TCHP: variants seen among roughly 807,000 people sequenced by gnomAD.
TCHP encodes the protein trichoplein keratin filament binding.
Under a neutral mutation model 88.7 loss-of-function variants are expected in TCHP, and 81 were observed. That is an observed-to-expected ratio of 0.91 (90% CI 0.76 to 1.10). The LOEUF (loss-of-function observed/expected upper bound fraction) is 1.10. TCHP is among the 50% of genes least tolerant of loss of function. The pLI is 0.00. For synonymous variants in TCHP, 232 were observed against 232.5 expected (o/e 1.00, Z 0.02); for missense variants, 641 against 632.1 (o/e 1.01, Z -0.15).
intron 9 of TCHP, among the ~76,000 whole-genome samples, chr12:109,911,957 G>A (rs183777145): frequency 1.2e-4 from 18 of 151,918 alleles, no homozygotes; most frequent in East Asian, 3.9e-4. Context: ...CACCACACCC[G>A]GCTACTTTTT....
Position 109,916,905 on chromosome 12 carries a change from A to G in TCHP, c.*282A>G. ...CTTGTAATATATTAACAGTCACATC[A>G]ACTGAAGGTCAATACTAAGAGCCAC... On this transcript the variant is annotated 3_prime_UTR_variant, in exon 13 of 13. Transcript: ENST00000405876. The G allele has an allele frequency of 2.8e-6, 1 of 359,594 alleles. No homozygotes were observed. Among genetic ancestry groups the G allele is most frequent in the Non-Finnish European group, 5.0e-6 (1 of 201,046 alleles). The allele number at this position is 359,594 out of a possible 1,614,324, so 22.3% of individuals were successfully genotyped here.
At chr12:109,914,340 T>C in intron 10 of TCHP, 102 bp from the exon 11 acceptor site, 1 of 1,088,760 alleles carries the variant, frequency 9.2e-7, no homozygotes, top group Non-Finnish European at 1.3e-6. Flanking sequence ...GGCCCAAGGA[T>C]GAGGCTGGGC....
intron 8 of TCHP, among the ~76,000 whole-genome samples, chr12:109,910,412 G>A (rs917427991): frequency 6.6e-6 from 1 of 152,142 alleles, no homozygotes; most frequent in African/African-American, 2.4e-5. Flanking sequence ...AACCTGCCAG[G>A]CTCAAGCCAT....
At chr12:109,895,497 G>A (rs552419524), upstream of TCHP, among the ~76,000 whole-genome samples, 4 of 152,034 alleles carry the variant, frequency 2.6e-5, no homozygotes, top group Non-Finnish European at 5.9e-5. Context: ...GGGATTACAG[G>A]TGTGAATGAC....
intron 10 of TCHP, among the ~76,000 whole-genome samples, chr12:109,913,869 C>T (rs1390604624): frequency 6.6e-6 from 1 of 152,166 alleles, no homozygotes; most frequent in Non-Finnish European, 1.5e-5. Context: ...ATTTAAATTT[C>T]CCTCCTGATG....
At position 109,903,134 on chromosome 12, in the gene TCHP, GAACAGC is replaced by G. The variant is rs775715029; in HGVS notation, c.109_114del (p.Asn37_Ser38del). 8 of 1,614,052 alleles carry G rather than the reference GAACAGC, an allele frequency of 5.0e-6. No homozygotes were observed. Among genetic ancestry groups the G allele is most frequent in the Non-Finnish European group, 5.9e-6 (7 of 1,179,970 alleles). On this transcript the variant is annotated inframe_deletion, in exon 2 of 13. Coordinates refer to ENST00000405876, the MANE Select transcript of TCHP (RefSeq NM_001143852.2). The surrounding 1 kb of genome is among the most constrained non-coding windows in gnomAD (Gnocchi z 4.6). ...CCCGGCTTCGGCAGCAGTGGGAGCA[GAACAGC>G]CGTTACTTCAGGATGTCTGACATCT...
upstream of TCHP, among the ~76,000 whole-genome samples, chr12:109,898,505 C>T (rs1381449452): frequency 2.6e-5 from 4 of 152,200 alleles, no homozygotes; most frequent in Non-Finnish European, 4.4e-5. Flanking sequence ...CCACCAGGCC[C>T]GGCCTGAAAG....
upstream of TCHP, among the ~76,000 whole-genome samples, chr12:109,897,104 C>T (rs1446249205): frequency 2.6e-5 from 4 of 152,160 alleles, no homozygotes; most frequent in Non-Finnish European, 4.4e-5. Flanking sequence ...CTATCAGCTG[C>T]GGCTCCTCAG....
intron 1 of TCHP, 101 bp downstream of exon 1, chr12:109,900,527 C>T (rs1213015481): frequency 4.6e-5 from 7 of 152,358 alleles, no homozygotes; most frequent in African/African-American, 1.7e-4. Flanking sequence ...CGGGCGCGAG[C>T]TCAGGGCGCC....
intron 12 of TCHP, 43 bp from the exon 13 acceptor site, chr12:109,916,538 ATGCTGCAGAT>A: frequency 6.5e-7 from 1 of 1,546,976 alleles, no homozygotes; most frequent in Admixed American, 2.0e-5. Flanking sequence ...TTAATTCCTC[ATGCTGCAGAT>A]ACTGCTGATC....
At chr12:109,885,793 T>TA in the TCHP span, among the ~76,000 whole-genome samples, 1 of 151,794 alleles carries the variant, frequency 6.6e-6, no homozygotes, top group East Asian at 1.9e-4. Flanking sequence ...TTTTTTTTTT[T>TA]AAGAGGCACA....
chr12:109,901,449 C>G (rs1359836365), intron 1 of TCHP, among the ~76,000 whole-genome samples: 1 of 152,086 alleles, frequency 6.6e-6, no homozygotes, highest in African/African-American at 2.4e-5. Flanking sequence ...TACAAGACAT[C>G]AAGGACTCCT....
chr12:109,908,826 T>G, intron 7 of TCHP, 45 bp from the exon 8 acceptor site: 2 of 1,605,950 alleles, frequency 1.2e-6, no homozygotes, highest in Non-Finnish European at 1.7e-6. Context: ...TCTATTTAAT[T>G]CTTTCTGAGA....
Position 109,915,393 on chromosome 12 carries a change from TG to T in TCHP, c.1321-8del. On this transcript the variant is annotated splice_polypyrimidine_tract_variant and intron_variant, in intron 11 of 12. Coordinates refer to ENST00000405876, the MANE Select transcript of TCHP (RefSeq NM_001143852.2). ...TGTCTTGGGGTGGTGACTTTGCTCT[TG>T]GCACTCAGGTTGCAGAGCGCCGGCT... 2 of 1,614,140 alleles carry T rather than the reference TG, an allele frequency of 1.2e-6. No individual in the cohort carries two copies. Among genetic ancestry groups the T allele is most frequent in the African/African-American group, 2.7e-5 (2 of 75,054 alleles).
chr12:109,899,369 G>C (rs1869656603), upstream of TCHP, among the ~76,000 whole-genome samples: 1 of 152,196 alleles, frequency 6.6e-6, no homozygotes, highest in African/African-American at 2.4e-5. Context: ...GCCGGGTGCA[G>C]TGGCTCACTC....
At chr12:109,887,437 A>G in the TCHP span, among the ~76,000 whole-genome samples, 11 of 149,672 alleles carry the variant, frequency 7.3e-5, no homozygotes, top group Admixed American at 2.0e-4. Context: ...AAAAAAAACC[A>G]TGGTATTTCA....
At chr12:109,906,755 C>T (rs756586577) in intron 5 of TCHP, 115 bp downstream of exon 5, 2 of 797,426 alleles carry the variant, frequency 2.5e-6, no homozygotes, top group Non-Finnish European at 4.1e-6. Flanking sequence ...GTGTAGTGTA[C>T]TCTTTTCTTA....
intron 1 of TCHP, 103 bp from the exon 2 acceptor site, chr12:109,902,922 CTG>C: frequency 1.3e-6 from 1 of 794,306 alleles, no homozygotes; most frequent in East Asian, 2.8e-5. Flanking sequence ...GTTGATTTCA[CTG>C]TGCAGCCAAG....
Position 109,904,952 on chromosome 12 carries a change from G to A in TCHP, c.456+159G>A, listed in dbSNP as rs115830977. 981 of 625,316 alleles carry A rather than the reference G, an allele frequency of 1.6e-3. 1 individual carries two copies. The highest frequency in any genetic ancestry group is 7.5e-3 in the African/African-American group (406 of 54,186). 38.7% of individuals were successfully genotyped at this position (625,316 alleles called of 1,614,324 possible). ...AGGCAGAAGATCTGGCACAGGCTGC[G>A]CTGAGCGGCTCATTCGGTTGTTGAA... is the stretch of plus-strand genomic sequence containing the variant. On this transcript the variant is annotated intron_variant, in intron 4 of 12. Transcript: ENST00000405876.
Sources: gnomAD v4.1 joint callset for allele counts (sites outside exome capture counted in the v4.1 genomes callset) on GRCh38, gnomAD v4.1.1 for gene constraint, Gnocchi (gnomAD v3.1) non-coding constraint, MANE v1.5 for transcripts, NCBI Gene and HGNC (gene_info 2026-07-23, HGNC 2026-07-21) for gene names.